DOK6: variants seen among roughly 807,000 people sequenced by gnomAD.
DOK6 encodes downstream of tyrosine kinase 6.
In DOK6, 22 loss-of-function variants were observed where a neutral mutation model predicts 44.0. The observed-to-expected ratio is 0.50, with a 90% CI of 0.36 to 0.71. The LOEUF (loss-of-function observed/expected upper bound fraction) is 0.71, where lower values mean the gene tolerates loss of function less well. Among genes scored for constraint, DOK6 ranks in the 30% least tolerant of loss-of-function variants. The pLI, the probability that DOK6 is intolerant of heterozygous loss-of-function variation, is 0.00. For synonymous variants in DOK6, 166 were observed against 145.5 expected (o/e 1.14, Z -1.01); for missense variants, 340 against 416.4 (o/e 0.82, Z 1.60).
At chr18:69,777,184 T>C (rs1261301054) in intron 7 of DOK6, among the ~76,000 whole-genome samples, 1 of 151,932 alleles carries the variant, frequency 6.6e-6, no homozygotes, top group East Asian at 1.9e-4. Context: ...ACTAACTTTT[T>C]CAAAGCCTCA....
At chr18:69,582,266 T>C (rs1363102516) in intron 2 of DOK6, among the ~76,000 whole-genome samples, 1 of 152,214 alleles carries the variant, frequency 6.6e-6, no homozygotes, top group African/African-American at 2.4e-5. Flanking sequence ...CCATAGGCTA[T>C]AGTTTGCTTG....
chr18:69,504,059 G>C (rs1330382254), intron 1 of DOK6, among the ~76,000 whole-genome samples: 1 of 151,946 alleles, frequency 6.6e-6, no homozygotes, highest in Admixed American at 6.6e-5. Flanking sequence ...TTATAATACT[G>C]TAGGTTTCCA....
In DOK6 at chr18:69,469,213, ATATT is replaced by A. The variant is rs149686523; in HGVS notation, c.66+67906_66+67909del. ...CAGAACTAGAAATACAGATTTTTAAATATTTAGTGTGTGCTGAGTACTGATAATT... is the reference window on the plus strand; with the variant it reads ...CAGAACTAGAAATACAGATTTTTAAATAGTGTGTGCTGAGTACTGATAATT... On this transcript the variant is annotated intron_variant, in intron 1 of 7. Transcript: ENST00000382713. Among the ~76,000 whole-genome samples the A allele has an allele frequency of 1.2e-4, 18 of 152,352 alleles. No individual in the cohort carries two copies. The East Asian group carries it at 3.1e-3, about 26-fold the overall frequency.
chr18:69,560,517 A>G (rs1168243006), intron 1 of DOK6, among the ~76,000 whole-genome samples: 1 of 152,198 alleles, frequency 6.6e-6, no homozygotes, highest in East Asian at 1.9e-4. Flanking sequence ...TGTGTATTCA[A>G]TGGAATAAAC....
chr18:69,743,917 G>A (rs1978889151), intron 6 of DOK6, among the ~76,000 whole-genome samples: 1 of 151,908 alleles, frequency 6.6e-6, no homozygotes, highest in African/African-American at 2.4e-5. Context: ...AGGACAAATA[G>A]CATGAGTGCT....
intron 1 of DOK6, among the ~76,000 whole-genome samples, chr18:69,487,177 ATGTGTGTGTGTGTGTGTGTGTGTGTG>A (rs5825940): frequency 0.017 from 2,394 of 140,474 alleles, 61 homozygotes; most frequent in Admixed American, 0.074. Flanking sequence ...CTGATAGGAT[ATGTGTGTGTGTGTGTGTGTGTGTGTG>A]TGTGTGTGTG....
intron 6 of DOK6, among the ~76,000 whole-genome samples, chr18:69,748,043 G>A (rs1402241348): frequency 6.6e-6 from 1 of 152,044 alleles, no homozygotes; most frequent in Non-Finnish European, 1.5e-5. Context: ...ATAAAAGGGT[G>A]GAGGAAAATT....
intron 1 of DOK6, among the ~76,000 whole-genome samples, chr18:69,518,303 CTCT>C (rs1981588435): frequency 6.6e-6 from 1 of 151,934 alleles, no homozygotes; most frequent in Non-Finnish European, 1.5e-5. Flanking sequence ...CCTCTTCCTT[CTCT>C]TTTTTTCCTT....
intron 5 of DOK6, among the ~76,000 whole-genome samples, chr18:69,729,191 A>G (rs889557708): frequency 1.3e-5 from 2 of 152,228 alleles, no homozygotes; most frequent in African/African-American, 4.8e-5. Context: ...ATATATACAG[A>G]CATACATACA....
chr18:69,659,074 G>A (rs990719073), intron 3 of DOK6, among the ~76,000 whole-genome samples: 6 of 152,192 alleles, frequency 3.9e-5, no homozygotes, highest in Admixed American at 3.3e-4. Context: ...TCAAATAGTA[G>A]AACAATATAA....
At chr18:69,591,857 T>A (rs1983629523) in intron 2 of DOK6, among the ~76,000 whole-genome samples, 1 of 152,102 alleles carries the variant, frequency 6.6e-6, no homozygotes, top group South Asian at 2.1e-4. Flanking sequence ...AGGAGACTAA[T>A]ATAGGTTAGT....
intron 4 of DOK6, among the ~76,000 whole-genome samples, chr18:69,696,670 C>T (rs1021101827): frequency 2.0e-5 from 3 of 152,146 alleles, no homozygotes; most frequent in African/African-American, 4.8e-5. Flanking sequence ...GATTGATGTT[C>T]GGGCCTTGTG....
At position 69,447,554 on chromosome 18, in the gene DOK6, T is replaced by A. The variant is rs543897795; in HGVS notation, c.66+46244T>A. Among the ~76,000 whole-genome samples the A allele has an allele frequency of 3.3e-5, 5 of 152,266 alleles. No individual in the cohort carries two copies. In the South Asian group the frequency reaches 1.0e-3, roughly 32 times the overall value. ...GCAGTGTGGCTTCAAAGAGCCAACA[T>A]TAGGTTTTGTTGATTCTCTCTATTC... On this transcript the variant is annotated intron_variant, in intron 1 of 7. Transcript: ENST00000382713.
At chr18:69,826,756 A>G (rs1473886653) in intron 7 of DOK6, among the ~76,000 whole-genome samples, 4 of 152,196 alleles carry the variant, frequency 2.6e-5, no homozygotes, top group Non-Finnish European at 5.9e-5. Flanking sequence ...TGCATGGTTT[A>G]TTCATTGTAT....
chr18:69,682,111 T>C (rs1234759380), intron 4 of DOK6, among the ~76,000 whole-genome samples: 2 of 152,216 alleles, frequency 1.3e-5, no homozygotes, highest in East Asian at 1.9e-4. Context: ...TCTAAATTAT[T>C]ACCTGGTTGC....
At chr18:69,766,334 C>T (rs999890342) in intron 7 of DOK6, among the ~76,000 whole-genome samples, 3 of 152,122 alleles carry the variant, frequency 2.0e-5, no homozygotes, top group Non-Finnish European at 4.4e-5. Context: ...TAACCATAAC[C>T]TCAGCATCAT....
intron 1 of DOK6, among the ~76,000 whole-genome samples, chr18:69,433,264 C>G (rs374653135): frequency 6.6e-6 from 1 of 152,162 alleles, no homozygotes; most frequent in East Asian, 1.9e-4. Context: ...GTAAAACACT[C>G]TTAGAAAGCA....
chr18:69,619,236 G>C (rs1386669807), intron 3 of DOK6, among the ~76,000 whole-genome samples: 1 of 152,240 alleles, frequency 6.6e-6, no homozygotes, highest in Non-Finnish European at 1.5e-5. Flanking sequence ...CCAGGAGACA[G>C]TGCCTGGGGC....
chr18:69,826,315 T>C (rs1012920727), intron 7 of DOK6, among the ~76,000 whole-genome samples: 4 of 152,178 alleles, frequency 2.6e-5, no homozygotes, highest in African/African-American at 9.7e-5. Context: ...TTCAGTTCCA[T>C]CAGAACATGG....
Sources: gnomAD v4.1 joint callset for allele counts (sites outside exome capture counted in the v4.1 genomes callset) on GRCh38, gnomAD v4.1.1 for gene constraint, MANE v1.5 for transcripts, NCBI Gene and HGNC (gene_info 2026-07-23, HGNC 2026-07-21) for gene names.